SLC23A1: variants seen among roughly 807,000 people sequenced by gnomAD.
SLC23A1 encodes the protein solute carrier family 23 member 1, also known as Na(+)/L-ascorbic acid transporter 1.
In SLC23A1, 31 loss-of-function variants were observed where a neutral mutation model predicts 62.5. The observed-to-expected ratio is 0.50, with a 90% CI of 0.37 to 0.67. The LOEUF (loss-of-function observed/expected upper bound fraction) is 0.67, where lower values mean the gene tolerates loss of function less well. SLC23A1 is among the 30% of genes least tolerant of loss of function. SLC23A1 has a pLI of 0.00. For missense variants in SLC23A1, 640 were observed against 782.7 expected (o/e 0.82, Z 2.18); for synonymous variants, 271 against 313.2 (o/e 0.87, Z 1.42).
At position 139,379,804 on chromosome 5, in the gene SLC23A1, G is replaced by A; in HGVS notation, c.799C>T (p.Leu267Phe). The A allele has an allele frequency of 6.2e-7, 1 of 1,614,144 alleles. No homozygotes were observed. The highest frequency in any genetic ancestry group is 8.5e-7 in the Non-Finnish European group (1 of 1,180,030). Reference protein sequence around the residue: ...IMLAIMTVWLLCYVLTLTDVL... With the variant: ...IMLAIMTVWLFCYVLTLTDVL... ...TCTGTCAAGGTCAGGACATAGCAGA[G>A]CAGCCACACGGTCATGATGGCCAGC... The change falls in exon 8 of 15, where the codon CTC becomes TTC. Residue 267 changes from leucine (L) to phenylalanine (F), a missense_variant. Physicochemically the swap from Leu to Phe is conservative, Grantham distance 22. Transcript: ENST00000348729. The surrounding 1 kb of genome is among the most constrained non-coding windows in gnomAD (Gnocchi z 4.7).
rs1758121410 is a variant in SLC23A1 at position 139,379,395 on chromosome 5, G to A, written c.926-41C>T. On this transcript the variant is annotated intron_variant, in intron 8 of 14. Transcript: ENST00000348729. This position sits in a 1 kb window ranked among gnomAD's most constrained non-coding sequence, Gnocchi z 4.7. The stretch of plus-strand genomic sequence containing the variant: ...GACAGGATGGTGGCTACAGTGAGGA[G>A]ACTGTGATGGTTAGGAATAGACAGG... The A allele has an allele frequency of 6.3e-7, 1 of 1,599,340 alleles. No individual in the cohort carries two copies. Among genetic ancestry groups the A allele is most frequent in the Non-Finnish European group, 8.6e-7 (1 of 1,166,992 alleles).
At chr5:139,374,500 T>C (rs1307143026) in intron 13 of SLC23A1, among the ~76,000 whole-genome samples, 1 of 152,028 alleles carries the variant, frequency 6.6e-6, no homozygotes, top group Admixed American at 6.6e-5. Flanking sequence ...CAGCAGGAAG[T>C]TAAGGGCTGG....
chr5:139,382,142 G>T, intron 2 of SLC23A1, 93 bp from the exon 3 acceptor site: 2 of 1,328,850 alleles, frequency 1.5e-6, no homozygotes, highest in Non-Finnish European at 2.1e-6. Context: ...GCCTCAGCGG[G>T]CCTGGAACCG....
At chr5:139,381,209 C>T (rs980979119) in intron 3 of SLC23A1, among the ~76,000 whole-genome samples, 26 of 152,238 alleles carry the variant, frequency 1.7e-4, no homozygotes, top group African/African-American at 5.8e-4. Context: ...CCCTGTCCCC[C>T]GCTGCTCAAA....
Position 139,378,475 on chromosome 5 carries a change from C to A in SLC23A1, c.1179+104G>T. ...CTGGGGCTTGATGCGGGGGCGAGGCCTCTCAAAGACAGGGTGGGGCTAAAC... is the reference window on the plus strand; with the variant it reads ...CTGGGGCTTGATGCGGGGGCGAGGCATCTCAAAGACAGGGTGGGGCTAAAC... On this transcript the variant is annotated intron_variant, in intron 10 of 14. Coordinates refer to ENST00000348729, the MANE Select transcript of SLC23A1 (RefSeq NM_005847.5). The surrounding 1 kb of genome is among the most constrained non-coding windows in gnomAD (Gnocchi z 4.5). 7.0e-7 allele frequency: 1 copy of A among 1,422,822 alleles called. No homozygotes were observed. Among genetic ancestry groups the A allele is most frequent in the East Asian group, 2.5e-5 (1 of 40,238 alleles). The allele number at this position is 1,422,822 out of a possible 1,614,324, so 88.1% of individuals were successfully genotyped here. A position where few individuals can be genotyped will look rare whatever the true frequency, so the allele number is the denominator to read the frequency against.
At chr5:139,377,753 G>T (rs1200672260) in intron 12 of SLC23A1, among the ~76,000 whole-genome samples, 1 of 152,332 alleles carries the variant, frequency 6.6e-6, no homozygotes, top group East Asian at 1.9e-4. Context: ...GTAGATAAAT[G>T]GAGCTGTTTT....
intron 14 of SLC23A1, among the ~76,000 whole-genome samples, chr5:139,367,974 C>T (rs1037101707): frequency 6.6e-6 from 1 of 151,986 alleles, no homozygotes; most frequent in African/African-American, 2.4e-5. Flanking sequence ...GAGGCCGAGG[C>T]AGGCAGATCA....
rs116767990 is a variant in SLC23A1, at chr5:139,372,262, G to A, written c.1550-9C>T. On this transcript the variant is annotated splice_polypyrimidine_tract_variant and intron_variant, in intron 13 of 14. Coordinates refer to ENST00000348729, the MANE Select transcript of SLC23A1 (RefSeq NM_005847.5). ...ACGCTCCTCTGGGCTCCCTGGAAGA[G>A]GATAGTGAGGTCATTTACCAAGGCC... The A allele has an allele frequency of 2.3e-3, 3,730 of 1,607,672 alleles. 54 individuals carry two copies. The African/African-American group carries it at 0.041, about 18-fold the overall frequency.
intron 12 of SLC23A1, 34 bp downstream of exon 12, chr5:139,377,941 C>T (rs770529787): frequency 1.2e-6 from 2 of 1,604,532 alleles, no homozygotes; most frequent in Non-Finnish European, 8.5e-7. Context: ...TTGGGCCCAC[C>T]CCGCCTTTGG....
At chr5:139,384,320 T>G (rs1193125777), upstream of SLC23A1, 1 of 1,248,694 alleles carries the variant, frequency 8.0e-7, no homozygotes, top group Non-Finnish European at 1.0e-6. Flanking sequence ...TGTTCCCCTC[T>G]GGGCTGCCCC....
upstream of SLC23A1, chr5:139,383,373 C>A: frequency 1.3e-6 from 2 of 1,518,122 alleles, no homozygotes; most frequent in South Asian, 1.3e-5. Flanking sequence ...TAACCAGATG[C>A]CCAGCTCTGG....
intron 1 of SLC23A1, among the ~76,000 whole-genome samples, chr5:139,382,808 G>A (rs993852396): frequency 6.6e-6 from 1 of 152,226 alleles, no homozygotes; most frequent in Admixed American, 6.5e-5. Context: ...CCGCAGGGAT[G>A]AGTCTACTGT....
At chr5:139,380,505 T>G in intron 5 of SLC23A1, 60 bp downstream of exon 5, 2 of 1,593,648 alleles carry the variant, frequency 1.3e-6, no homozygotes, top group Non-Finnish European at 1.7e-6. Flanking sequence ...GCGGCCACCC[T>G]CACTCCCATA....
chr5:139,379,767 G>A lies in SLC23A1; in HGVS notation c.836C>T (p.Thr279Ile). 1 of 1,614,106 alleles carries A rather than the reference G, an allele frequency of 6.2e-7. No individual in the cohort carries two copies. The highest frequency in any genetic ancestry group is 8.5e-7 in the Non-Finnish European group (1 of 1,179,984). The change falls in exon 8 of 15, where the codon ACA becomes ATA. Residue 279 changes from threonine to isoleucine, a missense_variant. Transcript: ENST00000348729. The surrounding 1 kb of genome is among the most constrained non-coding windows in gnomAD (Gnocchi z 4.7). ...YVLTLTDVLP[T>I]DPKAYGFQAR... ...CTGGAAGCCATAGGCTTTTGGGTCT[G>A]TGGGCAGCACGTCTGTCAAGGTCAG...
In SLC23A1 at chr5:139,378,435, C is replaced by G; in HGVS notation, c.1180-84G>C. 1.3e-6 allele frequency: 2 copies of G among 1,502,316 alleles called. No individual in the cohort carries two copies. The highest frequency in any genetic ancestry group is 1.2e-5 in the South Asian group (1 of 80,010). The allele number at this position is 1,502,316 out of a possible 1,614,324, so 93.1% of individuals were successfully genotyped here. On this transcript the variant is annotated intron_variant, in intron 10 of 14. Transcript: ENST00000348729. This position sits in a 1 kb window ranked among gnomAD's most constrained non-coding sequence, Gnocchi z 4.5. ...CCAGGGGCGGGGCCTGTTATAAGAG[C>G]GAGGCATAAACCGGCTGGGGCTTGA...
chr5:139,380,050 G>A lies in SLC23A1; in HGVS notation c.674C>T (p.Ser225Phe). The part of the protein sequence containing the change: ...ACSILLIILF[S>F]QYLRNLTFLL... ...GAAGGTGAGGTTGCGCAGGTACTGG[G>A]AGAAGAGGATGATCAGGAGAATGGA... Residue 225 changes from serine (S) to phenylalanine (F), a missense_variant, in exon 7 of 15, where the codon TCC becomes TTC. Transcript: ENST00000348729. 6.2e-7 allele frequency: 1 copy of A among 1,613,332 alleles called. No individual in the cohort carries two copies. The highest frequency in any genetic ancestry group is 8.5e-7 in the Non-Finnish European group (1 of 1,179,696).
In SLC23A1 at chr5:139,379,518, G is replaced by T; in HGVS notation, c.925+160C>A. 1 of 1,018,494 alleles carries T rather than the reference G, an allele frequency of 9.8e-7. No homozygotes were observed. The highest frequency in any genetic ancestry group is 1.4e-5 in the South Asian group (1 of 73,344). 63.1% of individuals were successfully genotyped at this position (1,018,494 alleles called of 1,614,324 possible). A position where few individuals can be genotyped will look rare whatever the true frequency, so the allele number is the denominator to read the frequency against. ...TATTTGAGTCACTCAGAGCCAGGAA[G>T]TGGGACTGAAGCTTTGTCTAAGTAA... On this transcript the variant is annotated intron_variant, in intron 8 of 14. Transcript: ENST00000348729. The surrounding 1 kb of genome is among the most constrained non-coding windows in gnomAD (Gnocchi z 4.7).
chr5:139,368,765 G>A lies in SLC23A1; in HGVS notation c.*20-1134C>T, dbSNP rs779095445. 10 of 1,613,548 alleles carry A rather than the reference G, an allele frequency of 6.2e-6. No individual in the cohort carries two copies. The East Asian group carries it at 2.0e-4, about 32-fold the overall frequency. On this transcript the variant is annotated intron_variant, in intron 14 of 14. Coordinates refer to ENST00000348729, the MANE Select transcript of SLC23A1 (RefSeq NM_005847.5). ...GCAATCTGAATCCAAATGCAAAGGA[G>A]TTTGTTCCTGGGGTGAAGTACGGAA...
At chr5:139,384,980 G>A (rs765703801), upstream of SLC23A1, among the ~76,000 whole-genome samples, 1 of 152,128 alleles carries the variant, frequency 6.6e-6, no homozygotes, top group Non-Finnish European at 1.5e-5. Flanking sequence ...CAGGGAAGCT[G>A]GAGTGGCCAG....
Sources: allele counts gnomAD v4.1 joint callset (sites outside exome capture counted in the v4.1 genomes callset), GRCh38; gene constraint gnomAD v4.1.1; non-coding constraint Gnocchi (gnomAD v3.1); transcripts MANE v1.5; gene names NCBI Gene and HGNC (gene_info 2026-07-23, HGNC 2026-07-21).